DACH1: variants seen among roughly 807,000 people sequenced by gnomAD.
DACH1 encodes the protein dachshund family transcription factor 1, also known as dachshund homolog 1.
Under a neutral mutation model 54.2 loss-of-function variants are expected in DACH1, and 12 were observed. That is an observed-to-expected ratio of 0.22 (90% CI 0.14 to 0.36). The LOEUF is 0.36. Among genes scored for constraint, DACH1 ranks in the 10% least tolerant of loss-of-function variants. The pLI is 1.00. For missense variants in DACH1, 805 were observed against 929.8 expected (o/e 0.87, Z 1.75); for synonymous variants, 386 against 366.2 (o/e 1.05, Z -0.62).
chr13:71,812,089 T>A (rs1313177552), intron 1 of DACH1, among the ~76,000 whole-genome samples: 1 of 152,198 alleles, frequency 6.6e-6, no homozygotes, highest in African/African-American at 2.4e-5. Context: ...TATTTCCACA[T>A]CTTTTATTTT....
At chr13:71,697,191 T>C (rs1881877240) in intron 1 of DACH1, among the ~76,000 whole-genome samples, 1 of 152,172 alleles carries the variant, frequency 6.6e-6, no homozygotes, top group East Asian at 1.9e-4. Context: ...AATATCCCCA[T>C]TTTAGAGGAG....
chr13:71,834,994 C>T (rs186615912), intron 1 of DACH1, among the ~76,000 whole-genome samples: 157 of 152,060 alleles, frequency 1.0e-3, no homozygotes, highest in African/African-American at 3.3e-3. Context: ...TGAGGCTCAG[C>T]CCAGGAATTT....
chr13:71,732,215 T>C (rs950210223), intron 1 of DACH1, among the ~76,000 whole-genome samples: 2 of 152,126 alleles, frequency 1.3e-5, no homozygotes, highest in African/African-American at 4.8e-5. Context: ...CTCTGTCCAA[T>C]CTATCTCTTC....
intron 2 of DACH1, among the ~76,000 whole-genome samples, chr13:71,670,577 A>G (rs1362370572): frequency 1.3e-5 from 2 of 152,156 alleles, no homozygotes; most frequent in African/African-American, 4.8e-5. Context: ...TAATACTATT[A>G]GCAAAATCTA....
intron 1 of DACH1, among the ~76,000 whole-genome samples, chr13:71,808,135 C>A (rs1310702735): frequency 2.0e-5 from 3 of 152,148 alleles, no homozygotes; most frequent in Non-Finnish European, 4.4e-5. Flanking sequence ...CCAAGCAGAT[C>A]TTAAATTGCT....
In DACH1 at chr13:71,558,398, G is replaced by A. The variant is rs897207436; in HGVS notation, c.1436-1240C>T. On this transcript the variant is annotated intron_variant, in intron 5 of 10. Transcript: ENST00000613252. ...CCATTTCAACAATTATGGTATCCCA[G>A]GCATACAAAAATGTCTCCTTTGTTT... is the stretch of plus-strand genomic sequence containing the variant. Among the ~76,000 whole-genome samples, 15 of 151,698 alleles carry A rather than the reference G, an allele frequency of 9.9e-5. 1 individual carries two copies. Among genetic ancestry groups the A allele is most frequent in the Admixed American group, 9.8e-4 (15 of 15,238 alleles).
intron 3 of DACH1, among the ~76,000 whole-genome samples, chr13:71,621,739 G>A (rs1392522200): frequency 1.3e-5 from 2 of 151,972 alleles, no homozygotes; most frequent in African/African-American, 4.8e-5. Flanking sequence ...AGAGCTAAAG[G>A]CATGGTCTGC....
intron 1 of DACH1, among the ~76,000 whole-genome samples, chr13:71,779,171 ATATATACACATATATACG>A (rs1244971480): frequency 8.0e-6 from 1 of 124,628 alleles, no homozygotes; most frequent in Non-Finnish European, 1.7e-5. Context: ...ATATACGTAT[ATATATACACATATATACG>A]TATATACGTA....
chr13:71,750,061 G>A (rs574147564), intron 1 of DACH1, among the ~76,000 whole-genome samples: 5 of 152,280 alleles, frequency 3.3e-5, no homozygotes, highest in African/African-American at 1.2e-4. Flanking sequence ...ATATCATACA[G>A]AGTTCAAAAA....
intron 6 of DACH1, among the ~76,000 whole-genome samples, chr13:71,505,621 CTG>C (rs769608458): frequency 1.3e-5 from 2 of 152,196 alleles, no homozygotes; most frequent in Non-Finnish European, 2.9e-5. Flanking sequence ...AATCCAATAA[CTG>C]TTCTGTTCTG....
chr13:71,674,938 G>C, intron 2 of DACH1: 1 of 635,892 alleles, frequency 1.6e-6, no homozygotes, highest in Non-Finnish European at 2.8e-6. Context: ...ATAAATATAT[G>C]AAAACACATA....
chr13:71,692,436 T>C (rs1566436398), intron 1 of DACH1, among the ~76,000 whole-genome samples: 1 of 151,874 alleles, frequency 6.6e-6, no homozygotes, highest in East Asian at 1.9e-4. Flanking sequence ...CAAACATCTT[T>C]AGGATATCAT....
At chr13:71,812,244 C>T (rs559665770) in intron 1 of DACH1, among the ~76,000 whole-genome samples, 153 of 152,208 alleles carry the variant, frequency 1.0e-3, no homozygotes, top group African/African-American at 3.5e-3. Flanking sequence ...TTGAACTGTC[C>T]ATGATCCTTG....
intron 3 of DACH1, among the ~76,000 whole-genome samples, chr13:71,599,644 G>C (rs1409950522): frequency 6.6e-6 from 1 of 151,980 alleles, no homozygotes. Context: ...TAATTCCCCT[G>C]AATGATAAAC....
At chr13:71,525,362 T>C (rs1358005208) in intron 6 of DACH1, among the ~76,000 whole-genome samples, 2 of 152,116 alleles carry the variant, frequency 1.3e-5, no homozygotes, top group Non-Finnish European at 2.9e-5. Context: ...TTTAAAAAAA[T>C]CCCACTGACA....
chr13:71,866,743 A>G lies in DACH1; in HGVS notation c.27T>C (p.Pro9=). Residue 9 remains proline (P), a synonymous_variant, in exon 1 of 11, where the codon CCT becomes CCC. Transcript: ENST00000613252. MAVPAALI[P]PTQLVPPQPP... ...GTTGAGGGGGGACCAGCTGGGTCGG[A>G]GGGATCAAAGCCGCCGGCACTGCCA... is the stretch of plus-strand genomic sequence containing the variant. The G allele has an allele frequency of 1.4e-6, 2 of 1,419,342 alleles. No homozygotes were observed. The highest frequency in any genetic ancestry group is 1.9e-6 in the Non-Finnish European group (2 of 1,077,654). 87.9% of individuals were successfully genotyped at this position (1,419,342 alleles called of 1,614,324 possible). A position where few individuals can be genotyped will look rare whatever the true frequency, so the allele number is the denominator to read the frequency against.
At chr13:71,712,534 A>C (rs576227288) in intron 1 of DACH1, among the ~76,000 whole-genome samples, 1 of 152,220 alleles carries the variant, frequency 6.6e-6, no homozygotes, top group African/African-American at 2.4e-5. Flanking sequence ...TTAGAACAAA[A>C]ATTTCTGCAA....
chr13:71,497,400 C>T (rs969655228), intron 6 of DACH1, among the ~76,000 whole-genome samples: 10 of 151,784 alleles, frequency 6.6e-5, no homozygotes, highest in East Asian at 3.9e-4. Flanking sequence ...GGCTCAATCT[C>T]GGCTCACGGC....
intron 9 of DACH1, 117 bp downstream of exon 9, chr13:71,475,589 A>C: frequency 8.2e-7 from 1 of 1,223,968 alleles, no homozygotes; most frequent in Non-Finnish European, 1.1e-6. Context: ...TTCAGCTTCA[A>C]GTATAGCTGA....
Sources: allele counts gnomAD v4.1 joint callset (sites outside exome capture counted in the v4.1 genomes callset), GRCh38; gene constraint gnomAD v4.1.1; transcripts MANE v1.5; gene names NCBI Gene and HGNC (gene_info 2026-07-23, HGNC 2026-07-21).